The following HTN3 variants were observed in gnomAD, a reference collection of about 807,000 sequenced individuals.
The protein encoded by HTN3 is histatin 3.
HTN3 carries 15 observed loss-of-function variants against 10.6 expected under a neutral mutation model. The observed-to-expected ratio is 1.42, with a 90% CI of 0.95 to 2.18. The LOEUF (loss-of-function observed/expected upper bound fraction) is 2.18. Among genes scored for constraint, HTN3 ranks in the 30% most tolerant of loss-of-function variants. The pLI is 0.00. For missense variants in HTN3, 68 were observed against 58.0 expected, an observed-to-expected ratio of 1.17 and a Z score of -0.56; for synonymous variants, 15 against 16.9, an observed-to-expected ratio of 0.89 and a Z score of 0.27.
intron 5 of HTN3, among the ~76,000 whole-genome samples, chr4:70,035,548 T>C (rs1481979231): frequency 2.0e-5 from 3 of 152,104 alleles, no homozygotes; most frequent in African/African-American, 7.2e-5. Flanking sequence ...TCATGAGAAA[T>C]TTACGTTTTA....
chr4:70,028,605 A>G (rs950863406), intron 1 of HTN3, 89 bp downstream of exon 1: 3 of 152,296 alleles, frequency 2.0e-5, no homozygotes, highest in Middle Eastern at 3.4e-3. Flanking sequence ...GAAAATGTAT[A>G]TTATCTATGA....
chr4:70,032,031 T>C (rs375236308), intron 3 of HTN3, 32 bp downstream of exon 3: 17 of 1,551,094 alleles, frequency 1.1e-5, no homozygotes, highest in Non-Finnish European at 1.5e-5. Context: ...GAAAACTTGA[T>C]AATTAATCAT....
intron 5 of HTN3, among the ~76,000 whole-genome samples, chr4:70,035,977 T>C (rs1233480806): frequency 6.6e-6 from 1 of 151,938 alleles, no homozygotes; most frequent in Admixed American, 6.6e-5. Context: ...ATAGATGAAA[T>C]GTGTAGGCTA....
In HTN3 at chr4:70,034,959, A is replaced by G. The variant is rs552818671; in HGVS notation, c.*34-1308A>G. ...AAACTAAAACAGGAACAGAAAACCA[A>G]ACAGCACATGCTTCACTCATAAGTG... On this transcript the variant is annotated intron_variant, in intron 5 of 5. Coordinates refer to ENST00000673563, the MANE Select transcript of HTN3 (RefSeq NM_000200.3). Among the ~76,000 whole-genome samples the G allele has an allele frequency of 2.0e-5, 3 of 152,294 alleles. No homozygotes were observed. In the East Asian group the frequency reaches 5.8e-4, roughly 29 times the overall value.
rs1725519682 is a variant in HTN3 at position 70,036,526 on chromosome 4, A to C, written c.*293A>C. 1 of 152,198 alleles carries C rather than the reference A, an allele frequency of 6.6e-6. No individual in the cohort carries two copies. The highest frequency in any genetic ancestry group is 6.5e-5 in the Admixed American group (1 of 15,280). The allele number at this position is 152,198 out of a possible 1,614,324, so 9.4% of individuals were successfully genotyped here. ...TCTCCAAAAGCAATAAAATTCAAGC[A>C]CATTATTATGTGTATGCTCTTTATT... is the stretch of plus-strand genomic sequence containing the variant. On this transcript the variant is annotated 3_prime_UTR_variant, in exon 6 of 6. Coordinates refer to ENST00000673563, the MANE Select transcript of HTN3 (RefSeq NM_000200.3).
At chr4:70,033,430 G>T (rs1413215453) in intron 5 of HTN3, 177 bp downstream of exon 5, 2 of 468,808 alleles carry the variant, frequency 4.3e-6, no homozygotes, top group African/African-American at 4.1e-5. Context: ...TAGATATGTG[G>T]TGTTATTTCT....
intron 1 of HTN3, among the ~76,000 whole-genome samples, chr4:70,029,170 T>C (rs1391450585): frequency 1.3e-5 from 2 of 152,108 alleles, no homozygotes; most frequent in East Asian, 1.9e-4. Flanking sequence ...TCTATGTTCA[T>C]TTATCATTTT....
Position 70,033,059 on chromosome 4 carries a change from C to T in HTN3, c.103-108C>T, listed in dbSNP as rs1725425712. ...CATTTATGTAGATAACACACGAGGT[C>T]ATAACAACTTTAACAATCTAAGCTT... On this transcript the variant is annotated intron_variant, in intron 4 of 5. Coordinates refer to ENST00000673563, the MANE Select transcript of HTN3 (RefSeq NM_000200.3). The T allele has an allele frequency of 1.1e-5, 8 of 744,252 alleles. No individual in the cohort carries two copies. In the South Asian group the frequency reaches 1.4e-4, roughly 13 times the overall value. The allele number at this position is 744,252 out of a possible 1,614,324, so 46.1% of individuals were successfully genotyped here.
intron 5 of HTN3, among the ~76,000 whole-genome samples, chr4:70,035,227 A>G (rs1350681973): frequency 6.6e-6 from 1 of 152,222 alleles, no homozygotes; most frequent in East Asian, 1.9e-4. Context: ...CTGTTAAGAG[A>G]CAGAGTTCTG....
intron 1 of HTN3, among the ~76,000 whole-genome samples, chr4:70,028,866 G>C (rs1414610664): frequency 6.6e-6 from 1 of 151,944 alleles, no homozygotes; most frequent in Non-Finnish European, 1.5e-5. Context: ...ACAAGATACT[G>C]ATAGATTCTG....
At chr4:70,034,928 C>T (rs76644554) in intron 5 of HTN3, among the ~76,000 whole-genome samples, 2,977 of 152,240 alleles carry the variant, frequency 0.02, 86 homozygotes, top group African/African-American at 0.067. Context: ...AGCCATCATC[C>T]TCAGAAAACT....
At position 70,030,780 on chromosome 4, in the gene HTN3, C is replaced by T. The variant is rs376358599; in HGVS notation, c.40C>T (p.Leu14Phe). 2.5e-6 allele frequency: 4 copies of T among 1,610,996 alleles called. No individual in the cohort carries two copies. Among genetic ancestry groups the T allele is most frequent in the Non-Finnish European group, 3.4e-6 (4 of 1,177,468 alleles). The change falls in exon 2 of 6, where the codon CTT becomes TTT. Residue 14 changes from leucine (L) to phenylalanine (F), a missense_variant. By Grantham distance (22) the Leu-to-Phe change is conservative. Coordinates refer to ENST00000673563, the MANE Select transcript of HTN3 (RefSeq NM_000200.3). ...FVFALILALMLSMTGADSHAK... is the reference protein window; with the variant it reads ...FVFALILALMFSMTGADSHAK... ...TTTTGCTTTAATCTTGGCTCTCATG[C>T]TTTCCATGACTGTAAGTATATCTGG... is the stretch of plus-strand genomic sequence containing the variant.
At chr4:70,032,255 G>A in intron 4 of HTN3, 148 bp downstream of exon 4, 5 of 651,548 alleles carry the variant, frequency 7.7e-6, no homozygotes, top group Non-Finnish European at 2.6e-6. Context: ...TTGTTACAGA[G>A]GTAAAAGGTC....
Position 70,036,330 on chromosome 4 carries a change from A to T in HTN3, c.*97A>T, listed in dbSNP as rs913146203. On this transcript the variant is annotated 3_prime_UTR_variant, in exon 6 of 6. Coordinates refer to ENST00000673563, the MANE Select transcript of HTN3 (RefSeq NM_000200.3). ...ATTTGTCATACCGCATCACACTACC[A>T]CTGCTTTTTGAAGAATTATCATAAG... is the stretch of plus-strand genomic sequence containing the variant. 6.6e-6 allele frequency: 1 copy of T among 152,142 alleles called. No individual in the cohort carries two copies. The highest frequency in any genetic ancestry group is 2.4e-5 in the African/African-American group (1 of 41,432). 9.4% of individuals were successfully genotyped at this position (152,142 alleles called of 1,614,324 possible).
In HTN3 at chr4:70,030,797, T is replaced by C. The variant is rs754994295; in HGVS notation, c.51+6T>C. 1.2e-6 allele frequency: 2 copies of C among 1,607,014 alleles called. No individual in the cohort carries two copies. Among genetic ancestry groups the C allele is most frequent in the Non-Finnish European group, 1.7e-6 (2 of 1,173,782 alleles). On this transcript the variant is annotated splice_donor_region_variant and intron_variant, in intron 2 of 5. Transcript: ENST00000673563. ...CTCTCATGCTTTCCATGACTGTAAG[T>C]ATATCTGGAAGTTTTAAAGGATACA...
intron 5 of HTN3, among the ~76,000 whole-genome samples, chr4:70,036,045 T>C (rs1725510230): frequency 6.6e-6 from 1 of 152,180 alleles, no homozygotes; most frequent in Non-Finnish European, 1.5e-5. Context: ...AAAATTTAAA[T>C]TTAAATTGCA....
At chr4:70,034,837 G>C (rs1725474097) in intron 5 of HTN3, among the ~76,000 whole-genome samples, 1 of 152,158 alleles carries the variant, frequency 6.6e-6, no homozygotes, top group African/African-American at 2.4e-5. Context: ...AGAAAATGTG[G>C]TACGTATACA....
chr4:70,033,174 A>C lies in HTN3; in HGVS notation c.110A>C (p.His37Pro). ...CCTTTTGTGTGTATGCAGGAAAAGCATCATTCACATCGAGGCTATAGATCA... is the reference window on the plus strand; with the variant it reads ...CCTTTTGTGTGTATGCAGGAAAAGCCTCATTCACATCGAGGCTATAGATCA... ...HGYKRKFHEK[H>P]HSHRGYRSNY... Residue 37 changes from histidine (H) to proline (P), a missense_variant, in exon 5 of 6, where the codon CAT becomes CCT. Transcript: ENST00000673563. 6.2e-7 allele frequency: 1 copy of C among 1,606,036 alleles called. No homozygotes were observed. Among genetic ancestry groups the C allele is most frequent in the Non-Finnish European group, 8.5e-7 (1 of 1,174,256 alleles).
intron 1 of HTN3, 131 bp downstream of exon 1, chr4:70,028,647 T>C (rs1338235724): frequency 6.6e-6 from 1 of 152,182 alleles, no homozygotes; most frequent in Non-Finnish European, 1.5e-5. Context: ...TTACCATTTA[T>C]TGGCATCTGA....
Sources: gnomAD v4.1 joint callset for allele counts (sites outside exome capture counted in the v4.1 genomes callset) on GRCh38, gnomAD v4.1.1 for gene constraint, MANE v1.5 for transcripts, NCBI Gene and HGNC (gene_info 2026-07-23, HGNC 2026-07-21) for gene names.